The following CRTAC1 variants were observed in gnomAD, a reference collection of about 807,000 sequenced individuals.
The protein encoded by CRTAC1 is cartilage acidic protein 1, also known as acidic secreted protein in cartilage.
Under a neutral mutation model 67.8 loss-of-function variants are expected in CRTAC1, and 37 were observed. The observed-to-expected ratio is 0.55, with a 90% confidence interval of 0.42 to 0.72. The LOEUF (loss-of-function observed/expected upper bound fraction) is 0.72. Among genes scored for constraint, CRTAC1 ranks in the 30% least tolerant of loss-of-function variants. The pLI, the probability that CRTAC1 is intolerant of heterozygous loss-of-function variation, is 0.00. For synonymous variants in CRTAC1, 348 were observed against 371.0 expected, an observed-to-expected ratio of 0.94 and a Z score of 0.71; for missense variants, 780 against 931.6, an observed-to-expected ratio of 0.84 and a Z score of 2.12.
rs71007374 is a variant in CRTAC1, at chr10:98,029,491, A to AGCG, written c.24+955_24+957dup. The stretch of plus-strand genomic sequence containing the variant: ...ACTGGGTGCACCCACCAGCAGCAGC[A>AGCG]GCGGCGGCGGCGGCGGCGGCGGCGG... On this transcript the variant is annotated intron_variant, in intron 1 of 14. Transcript: ENST00000370597. This position sits in a 1 kb window ranked among gnomAD's most constrained non-coding sequence, Gnocchi z 4.7. Among the ~76,000 whole-genome samples the AGCG allele has an allele frequency of 0.061, 8,518 of 140,394 alleles. 341 individuals carry two copies. The highest frequency in any genetic ancestry group is 0.092 in the Middle Eastern group (26 of 282). The allele number at this position is 140,394 out of a possible 152,430, so 92.1% of individuals were successfully genotyped here. A position where few individuals can be genotyped will look rare whatever the true frequency, so the allele number is the denominator to read the frequency against.
At chr10:97,950,242 CACACAGAGAGAGAGAG>C (rs1351799796) in intron 2 of CRTAC1, among the ~76,000 whole-genome samples, 2 of 117,506 alleles carry the variant, frequency 1.7e-5, no homozygotes, top group Admixed American at 8.5e-5. Flanking sequence ...TGCACACACA[CACACAGAGAGAGAGAG>C]AGAGAGAGAG....
intron 2 of CRTAC1, among the ~76,000 whole-genome samples, chr10:98,010,926 C>T (rs1010208911): frequency 2.6e-5 from 4 of 152,182 alleles, no homozygotes; most frequent in African/African-American, 7.2e-5. Flanking sequence ...AACTTCCTTC[C>T]ATCCTGACCC....
chr10:97,895,721 G>A lies in CRTAC1; in HGVS notation c.1317+164C>T, dbSNP rs2050447740. On this transcript the variant is annotated intron_variant, in intron 10 of 14. Transcript: ENST00000370597. This position sits in a 1 kb window ranked among gnomAD's most constrained non-coding sequence, Gnocchi z 4.2. ...GGCTTCTCCCAAGGCGGCCCTTCCT[G>A]AGCTTCCCGGTGCTGCTGGAATTTA... is the stretch of plus-strand genomic sequence containing the variant. 1.3e-5 allele frequency among the ~76,000 whole-genome samples: 2 copies of A among 152,136 alleles called. No homozygotes were observed. The highest frequency in any genetic ancestry group is 2.9e-5 in the Non-Finnish European group (2 of 68,018).
intron 2 of CRTAC1, among the ~76,000 whole-genome samples, chr10:97,969,832 C>T (rs2051679595): frequency 6.6e-6 from 1 of 152,104 alleles, no homozygotes; most frequent in South Asian, 2.1e-4. Context: ...TGGGTATCTC[C>T]TCTCCCATCC....
chr10:98,009,298 G>A (rs1842861052), intron 2 of CRTAC1, among the ~76,000 whole-genome samples: 2 of 152,106 alleles, frequency 1.3e-5, no homozygotes, highest in African/African-American at 4.8e-5. Context: ...GTGGCTGGTG[G>A]ATTCCATACT....
intron 2 of CRTAC1, among the ~76,000 whole-genome samples, chr10:98,002,184 C>T (rs1014904916): frequency 3.9e-5 from 6 of 152,186 alleles, no homozygotes; most frequent in South Asian, 2.1e-4. Flanking sequence ...ACAGGGCATA[C>T]GTCTACTTTC....
intron 11 of CRTAC1, among the ~76,000 whole-genome samples, chr10:97,886,212 C>T (rs1209385012): frequency 1.3e-5 from 2 of 152,206 alleles, no homozygotes. Context: ...TTGTGAGCCA[C>T]ATCCCCCAGC....
At chr10:97,889,176 C>T (rs1214313781) in intron 11 of CRTAC1, among the ~76,000 whole-genome samples, 4 of 151,538 alleles carry the variant, frequency 2.6e-5, no homozygotes, top group African/African-American at 9.7e-5. Flanking sequence ...GGGTGGCTGC[C>T]TGAGCCAGTG....
At chr10:97,919,084 G>A (rs974077486) in intron 4 of CRTAC1, among the ~76,000 whole-genome samples, 17 of 151,832 alleles carry the variant, frequency 1.1e-4, no homozygotes, top group Admixed American at 2.0e-4. Flanking sequence ...GTGAGCCACC[G>A]TGCTTGGCCA....
chr10:97,889,937 C>T (rs1413231109), intron 11 of CRTAC1, among the ~76,000 whole-genome samples: 2 of 152,180 alleles, frequency 1.3e-5, no homozygotes, highest in Non-Finnish European at 2.9e-5. Flanking sequence ...CTTCTCACCC[C>T]AACTGCTCAG....
At chr10:97,995,126 T>C (rs2136676842) in intron 2 of CRTAC1, among the ~76,000 whole-genome samples, 1 of 152,352 alleles carries the variant, frequency 6.6e-6, no homozygotes, top group African/African-American at 2.4e-5. Context: ...AGTTCATGTT[T>C]CTTTGCTTGG....
At chr10:98,014,839 A>G (rs959792848) in intron 1 of CRTAC1, among the ~76,000 whole-genome samples, 7 of 152,252 alleles carry the variant, frequency 4.6e-5, no homozygotes, top group Admixed American at 6.5e-5. Context: ...ATCCTTGTGC[A>G]CTGCTGGCAG....
chr10:97,950,138 T>C (rs1476401293), intron 2 of CRTAC1, among the ~76,000 whole-genome samples: 1 of 152,092 alleles, frequency 6.6e-6, no homozygotes, highest in Non-Finnish European at 1.5e-5. Context: ...AGTTTCCTCA[T>C]CTATAAAGTG....
intron 2 of CRTAC1, among the ~76,000 whole-genome samples, chr10:97,949,779 G>A (rs952034965): frequency 5.3e-5 from 8 of 152,216 alleles, no homozygotes; most frequent in Non-Finnish European, 7.3e-5. Context: ...ACCTGTCCAA[G>A]CCTCAGTTCC....
intron 2 of CRTAC1, among the ~76,000 whole-genome samples, chr10:98,010,116 T>C (rs1342260139): frequency 1.3e-5 from 2 of 151,916 alleles, no homozygotes; most frequent in Admixed American, 6.5e-5. Context: ...CTCGGCTTAC[T>C]GCAACCTCCG....
At chr10:97,982,723 A>G (rs1373680485) in intron 2 of CRTAC1, among the ~76,000 whole-genome samples, 1 of 152,176 alleles carries the variant, frequency 6.6e-6, no homozygotes, top group Non-Finnish European at 1.5e-5. Flanking sequence ...AAGCGCCGCA[A>G]TTGTGTAAAT....
chr10:97,960,505 A>G (rs1360229181), intron 2 of CRTAC1, among the ~76,000 whole-genome samples: 2 of 152,198 alleles, frequency 1.3e-5, no homozygotes, highest in Admixed American at 6.5e-5. Context: ...ATGATAAATT[A>G]ACTGCTTACA....
At chr10:97,938,766 G>A (rs547561787) in intron 2 of CRTAC1, among the ~76,000 whole-genome samples, 1 of 152,348 alleles carries the variant, frequency 6.6e-6, no homozygotes, top group South Asian at 2.1e-4. Flanking sequence ...CAGAGATGAG[G>A]TTGGTGGCCT....
chr10:97,879,532 C>T, intron 14 of CRTAC1: 1 of 952,920 alleles, frequency 1.0e-6, no homozygotes, highest in Non-Finnish European at 1.5e-6. Flanking sequence ...CCAACCTTCC[C>T]TTTTCAAAGA....
Sources: gnomAD v4.1 joint callset for allele counts (sites outside exome capture counted in the v4.1 genomes callset) on GRCh38, gnomAD v4.1.1 for gene constraint, Gnocchi (gnomAD v3.1) non-coding constraint, MANE v1.5 for transcripts, NCBI Gene and HGNC (gene_info 2026-07-23, HGNC 2026-07-21) for gene names.